Variants in DMD observed in about 807,000 individuals in gnomAD.
The protein encoded by DMD is dystrophin.
In DMD, 63 loss-of-function variants were observed where a neutral mutation model predicts 330.1. That is an observed-to-expected ratio of 0.19 (90% CI 0.16 to 0.24). The LOEUF is 0.24. Among genes scored for constraint, DMD ranks in the 10% least tolerant of loss-of-function variants. The pLI, the probability that DMD is intolerant of heterozygous loss-of-function variation, is 1.00. For synonymous variants in DMD, 1,223 were observed against 959.8 expected, an observed-to-expected ratio of 1.27 and a Z score of -5.07; for missense variants, 3,344 against 2,684.1, an observed-to-expected ratio of 1.25 and a Z score of -5.43.
chrX:31,688,855 C>T (rs1486718307), intron 52 of DMD, among the ~76,000 whole-genome samples: 2 of 111,699 alleles, frequency 1.8e-5, no homozygotes, highest in African/African-American at 6.5e-5. Flanking sequence ...ATAAACAGAA[C>T]CAACGACAAA....
At chrX:31,194,529 A>G (rs757654910) in intron 67 of DMD, among the ~76,000 whole-genome samples, 3 of 112,526 alleles carry the variant, frequency 2.7e-5, no homozygotes, top group Non-Finnish European at 3.8e-5. Context: ...GTGTATGTAC[A>G]CAGACAGACA....
chrX:32,277,302 G>C (rs1026017714), intron 43 of DMD, among the ~76,000 whole-genome samples: 16 of 111,472 alleles, frequency 1.4e-4, no homozygotes, highest in African/African-American at 5.2e-4. Flanking sequence ...TACAACACTG[G>C]AGTACAGATA....
At chrX:32,970,159 C>A (rs2092330087) in intron 2 of DMD, among the ~76,000 whole-genome samples, 1 of 93,961 alleles carries the variant, frequency 1.1e-5, no homozygotes, top group Non-Finnish European at 2.0e-5. Flanking sequence ...TTTGGATAAC[C>A]TTGTTTGACA....
At chrX:32,073,179 C>A (rs1199844200) in intron 44 of DMD, among the ~76,000 whole-genome samples, 2 of 112,061 alleles carry the variant, frequency 1.8e-5, no homozygotes, top group Non-Finnish European at 3.8e-5. Flanking sequence ...GCTCCTTTAT[C>A]CAGTACTCCT....
chrX:32,680,699 TA>T (rs1371967417), intron 9 of DMD, among the ~76,000 whole-genome samples: 1 of 111,778 alleles, frequency 8.9e-6, no homozygotes, highest in Non-Finnish European at 1.9e-5. Context: ...AAAATGTACT[TA>T]AAAATAGAAA....
At chrX:32,707,289 T>C (rs2064763019) in intron 7 of DMD, among the ~76,000 whole-genome samples, 1 of 111,975 alleles carries the variant, frequency 8.9e-6, no homozygotes, top group Non-Finnish European at 1.9e-5. Flanking sequence ...AATTTCAAAA[T>C]TCTCAGTTTA....
At chrX:32,596,544 A>AT (rs774794747) in intron 12 of DMD, among the ~76,000 whole-genome samples, 2,897 of 98,618 alleles carry the variant, frequency 0.029, 47 homozygotes, top group Middle Eastern at 0.052. Context: ...TACTTTTTTT[A>AT]TTTTTTTTTT....
At chrX:31,340,699 T>C (rs2057682391) in intron 61 of DMD, among the ~76,000 whole-genome samples, 1 of 112,262 alleles carries the variant, frequency 8.9e-6, no homozygotes, top group Non-Finnish European at 1.9e-5. Flanking sequence ...ACATTATTTA[T>C]TGAGTGTCTA....
chrX:32,092,158 T>C (rs2096479297), intron 44 of DMD, among the ~76,000 whole-genome samples: 1 of 111,616 alleles, frequency 9.0e-6, no homozygotes, highest in Non-Finnish European at 1.9e-5. Context: ...AAAGATTTCT[T>C]GGAGTTAGGT....
At chrX:32,275,068 AG>A (rs2097380635) in intron 43 of DMD, among the ~76,000 whole-genome samples, 1 of 111,816 alleles carries the variant, frequency 8.9e-6, no homozygotes, top group African/African-American at 3.3e-5. Context: ...ATGACTGGCC[AG>A]TGAATGATAT....
At chrX:33,089,064 ATTT>A (rs747108325) in intron 1 of DMD, among the ~76,000 whole-genome samples, 2 of 86,480 alleles carry the variant, frequency 2.3e-5, no homozygotes, top group Non-Finnish European at 2.2e-5. Context: ...TACTCAATTC[ATTT>A]TTTTTTTTTT....
At position 33,257,216 on chromosome X, in the gene DMD, C is replaced by G. The variant is rs575032715; in HGVS notation, c.7+82043G>C. 4.8e-4 allele frequency among the ~76,000 whole-genome samples: 53 copies of G among 111,030 alleles called. 1 individual carries two copies. In the South Asian group the frequency reaches 0.019, roughly 40 times the overall value. ...AATTAAAAGAGAAACAGAAACCCTT[C>G]TATATTCTAAACATAAAAAATAAAA... On this transcript the variant is annotated intron_variant, in intron 1 of 17. Transcript: ENST00000288447.
intron 38 of DMD, among the ~76,000 whole-genome samples, chrX:32,347,208 T>C (rs955570098): frequency 3.6e-5 from 4 of 111,583 alleles, no homozygotes; most frequent in African/African-American, 1.3e-4. Context: ...AGACACATCA[T>C]ATACTTATAG....
chrX:32,130,032 T>C (rs1183789173), intron 44 of DMD, among the ~76,000 whole-genome samples: 1 of 109,352 alleles, frequency 9.1e-6, no homozygotes, highest in Non-Finnish European at 1.9e-5. Flanking sequence ...AAGCTGGCTT[T>C]TTTCCCCCTT....
chrX:32,774,678 C>T (rs2073966338), intron 7 of DMD, among the ~76,000 whole-genome samples: 4 of 110,792 alleles, frequency 3.6e-5, no homozygotes, highest in Middle Eastern at 4.7e-3. Flanking sequence ...CATCCCCCAT[C>T]CCCCAAATGA....
At chrX:31,199,515 G>A (rs1203018528) in intron 67 of DMD, among the ~76,000 whole-genome samples, 1 of 112,032 alleles carries the variant, frequency 8.9e-6, no homozygotes, top group Non-Finnish European at 1.9e-5. Flanking sequence ...TTTTAAATAA[G>A]CAAAATTTTA....
chrX:32,973,937 T>C (rs1396328709), intron 2 of DMD, among the ~76,000 whole-genome samples: 1 of 111,262 alleles, frequency 9.0e-6, no homozygotes, highest in Non-Finnish European at 1.9e-5. Context: ...ACTAAAAGAA[T>C]GATAATTTTT....
intron 52 of DMD, among the ~76,000 whole-genome samples, chrX:31,681,322 G>T (rs2082367673): frequency 8.9e-6 from 1 of 112,016 alleles, no homozygotes; most frequent in Admixed American, 9.5e-5. Context: ...CAGGGTATAA[G>T]AAACCATCAC....
At chrX:32,129,396 T>C (rs1038778814) in intron 44 of DMD, among the ~76,000 whole-genome samples, 9 of 111,027 alleles carry the variant, frequency 8.1e-5, no homozygotes, top group Non-Finnish European at 1.5e-4. Flanking sequence ...GTGGACCTCT[T>C]AGAGGCCAAT....
Sources: allele counts gnomAD v4.1 joint callset (sites outside exome capture counted in the v4.1 genomes callset), GRCh38; gene constraint gnomAD v4.1.1; transcripts MANE v1.5; gene names NCBI Gene and HGNC (gene_info 2026-07-23, HGNC 2026-07-21).